HCRTR1: variants seen among roughly 807,000 people sequenced by gnomAD.
HCRTR1 encodes the protein hypocretin receptor 1.
A neutral mutation model predicts 40.6 loss-of-function variants in HCRTR1; 28 were observed. The observed-to-expected ratio is 0.69, with a 90% CI of 0.51 to 0.95. The LOEUF is 0.95. Ranked by LOEUF, HCRTR1 falls within the 40% of genes least tolerant of loss-of-function variation. The pLI is 0.00. For missense variants in HCRTR1, 482 were observed against 564.7 expected (o/e 0.85, Z 1.48); for synonymous variants, 209 against 230.0 (o/e 0.91, Z 0.83).
chr1:31,628,046 C>A (rs149618204), downstream of HCRTR1, among the ~76,000 whole-genome samples: 21 of 151,890 alleles, frequency 1.4e-4, no homozygotes, highest in Non-Finnish European at 2.9e-4. Context: ...GATTTTAAGG[C>A]TGCCAAAGGC....
intron 7 of HCRTR1, among the ~76,000 whole-genome samples, chr1:31,624,413 A>G (rs902024412): frequency 1.1e-4 from 15 of 138,448 alleles, no homozygotes; most frequent in Non-Finnish European, 2.1e-4. Flanking sequence ...CCATGATTGC[A>G]CCACTGCACT....
chr1:31,634,071 A>G (rs191333666), downstream of HCRTR1, among the ~76,000 whole-genome samples: 708 of 152,320 alleles, frequency 4.6e-3, 5 homozygotes, highest in African/African-American at 0.016. Flanking sequence ...AAAGACAGCC[A>G]TGGGCAGTTG....
downstream of HCRTR1, among the ~76,000 whole-genome samples, chr1:31,634,433 ATTG>A (rs1640201804): frequency 6.6e-6 from 1 of 152,220 alleles, no homozygotes; most frequent in African/African-American, 2.4e-5. Context: ...TTTCCCCAGA[ATTG>A]TTGTGATGAT....
downstream of HCRTR1, chr1:31,630,261 A>G: frequency 3.1e-6 from 1 of 326,616 alleles, no homozygotes; most frequent in Middle Eastern, 1.0e-3. Context: ...TAACAGGCCG[A>G]TGAACACTCA....
chr1:31,630,218 G>T (rs1640056065), downstream of HCRTR1: 1 of 254,404 alleles, frequency 3.9e-6, no homozygotes, highest in Admixed American at 4.7e-5. Flanking sequence ...CGTTTGACAG[G>T]ATGGCCTGGT....
intron 6 of HCRTR1, among the ~76,000 whole-genome samples, chr1:31,622,230 G>A (rs1207757149): frequency 2.6e-5 from 4 of 152,194 alleles, no homozygotes; most frequent in African/African-American, 9.6e-5. Flanking sequence ...TTGGGGGGCA[G>A]GGGTGGTCAG....
downstream of HCRTR1, chr1:31,633,242 T>C (rs781584359): frequency 1.1e-5 from 18 of 1,613,900 alleles, no homozygotes; most frequent in African/African-American, 1.6e-4. Context: ...CATGGAGATA[T>C]AGCCACTGTG....
Position 31,627,186 on chromosome 1 carries a change from T to G in HCRTR1, c.*206T>G. On this transcript the variant is annotated 3_prime_UTR_variant, in exon 9 of 9. Transcript: ENST00000403528. ...ATGCTGAAGCAAGTGGAAAGCTCCT[T>G]GTAAACTGTGAAGTGTTGTGGACAT... The G allele has an allele frequency of 5.4e-6, 8 of 1,468,678 alleles. No homozygotes were observed. Among genetic ancestry groups the G allele is most frequent in the Non-Finnish European group, 7.3e-6 (8 of 1,103,112 alleles). The allele number at this position is 1,468,678 out of a possible 1,614,324, so 91.0% of individuals were successfully genotyped here. A position where few individuals can be genotyped will look rare whatever the true frequency, so the allele number is the denominator to read the frequency against.
chr1:31,623,620 G>C lies in HCRTR1; in HGVS notation c.836G>C (p.Arg279Pro). The C allele has an allele frequency of 6.2e-7, 1 of 1,613,850 alleles. No homozygotes were observed. Among genetic ancestry groups the C allele is most frequent in the Non-Finnish European group, 8.5e-7 (1 of 1,180,032 alleles). The part of the protein sequence containing the change: ...EQGLSGEPQP[R>P]ARAFLAEVKQ... ...GGCCTGAGTGGAGAGCCCCAGCCCC[G>C]GGCCCGCGCCTTCCTGGCTGAAGTG... Residue 279 changes from arginine to proline, a missense_variant, in exon 7 of 9, where the codon CGG becomes CCG. By Grantham distance (103) the Arg-to-Pro change is moderately radical. Transcript: ENST00000403528.
chr1:31,632,717 A>G (rs1219909978), downstream of HCRTR1: 4 of 1,511,532 alleles, frequency 2.6e-6, no homozygotes, highest in Non-Finnish European at 2.7e-6. Flanking sequence ...CCATTGAGGC[A>G]GCCCTTCTCT....
chr1:31,621,644 T>G (rs878968791), intron 6 of HCRTR1, 52 bp downstream of exon 6: 2 of 1,273,496 alleles, frequency 1.6e-6, no homozygotes, highest in South Asian at 1.2e-5. Flanking sequence ...GGGCTGGGGG[T>G]GGGAGGGCTA....
chr1:31,622,309 A>ATGACCAGGCTCAGGAAGGGACTC (rs1639873650), intron 6 of HCRTR1, among the ~76,000 whole-genome samples: 1 of 152,062 alleles, frequency 6.6e-6, no homozygotes, highest in Non-Finnish European at 1.5e-5. Flanking sequence ...AGGCCAGAAC[A>ATGACCAGGCTCAGGAAGGGACTC]TGACCAGGCT....
downstream of HCRTR1, chr1:31,630,406 C>G: frequency 1.7e-6 from 1 of 593,376 alleles, no homozygotes; most frequent in Non-Finnish European, 3.0e-6. Flanking sequence ...CTCCATCAGG[C>G]CCCTATCTGT....
intron 7 of HCRTR1, 134 bp downstream of exon 7, chr1:31,623,883 G>T (rs188964557): frequency 9.6e-5 from 62 of 643,394 alleles, no homozygotes; most frequent in Admixed American, 7.5e-4. Flanking sequence ...TCTTCTCTGA[G>T]CCTCCATCTC....
intron 6 of HCRTR1, among the ~76,000 whole-genome samples, chr1:31,622,278 G>A (rs764797416): frequency 2.8e-4 from 42 of 152,068 alleles, no homozygotes; most frequent in Admixed American, 6.5e-4. Flanking sequence ...CTGGATTGGC[G>A]TCTGGGCGGT....
chr1:31,632,338 A>G, downstream of HCRTR1: 1 of 1,309,202 alleles, frequency 7.6e-7, no homozygotes, highest in Non-Finnish European at 1.1e-6. Context: ...CAGCTGGGTC[A>G]AAGAAGGGGT....
In HCRTR1 at chr1:31,624,936, C is replaced by A; in HGVS notation, c.966-61C>A. 1.0e-5 allele frequency: 15 copies of A among 1,497,346 alleles called. No homozygotes were observed. In the South Asian group the frequency reaches 2.0e-4, roughly 20 times the overall value. The allele number at this position is 1,497,346 out of a possible 1,614,324, so 92.8% of individuals were successfully genotyped here. ...TACAGCTCAGGTTCTGTGAGCAGCA[C>A]TCCCCCAGTACATGCATACGCAGCT... is the stretch of plus-strand genomic sequence containing the variant. On this transcript the variant is annotated intron_variant, in intron 7 of 8. Transcript: ENST00000403528.
Position 31,627,316 on chromosome 1 carries a change from A to AG in HCRTR1, c.*336_*337insG. 1 of 1,179,094 alleles carries AG rather than the reference A, an allele frequency of 8.5e-7. No individual in the cohort carries two copies. The highest frequency in any genetic ancestry group is 1.1e-6 in the Non-Finnish European group (1 of 885,832). 73.0% of individuals were successfully genotyped at this position (1,179,094 alleles called of 1,614,324 possible). ...CTCCTAAAGACCCCTTTCCTACCCA[A>AG]TTACAGGCCTTCCCTGGAGTCTGCT... On this transcript the variant is annotated 3_prime_UTR_variant, in exon 9 of 9. Transcript: ENST00000403528.
chr1:31,627,007 TCGGGGGATCTGCCCCTACC>T lies in HCRTR1; in HGVS notation c.*29_*47del, dbSNP rs549411327. On this transcript the variant is annotated 3_prime_UTR_variant, in exon 9 of 9. Transcript: ENST00000403528. ...CGAGGGCTGCCCTGGAGGCTCCGGC[TCGGGGGATCTGCCCCTACC>T]CCTCATGGAAAGACAGCTGGATGTG... is the stretch of plus-strand genomic sequence containing the variant. The T allele has an allele frequency of 2.6e-4, 422 of 1,594,478 alleles. 3 individuals are homozygous for T. The East Asian group carries it at 9.1e-3, about 34-fold the overall frequency.
Sources: gnomAD v4.1 joint callset for allele counts (sites outside exome capture counted in the v4.1 genomes callset) on GRCh38, gnomAD v4.1.1 for gene constraint, MANE v1.5 for transcripts, NCBI Gene and HGNC (gene_info 2026-07-23, HGNC 2026-07-21) for gene names.